The following ADCY2 variants were observed in gnomAD, a reference collection of about 807,000 sequenced individuals.
ADCY2 encodes the protein adenylate cyclase type 2.
ADCY2 carries 31 observed loss-of-function variants against 125.2 expected under a neutral mutation model. That is an observed-to-expected ratio of 0.25 (90% CI 0.19 to 0.33). ADCY2 has a LOEUF of 0.33. Ranked by LOEUF, ADCY2 falls within the 10% of genes least tolerant of loss-of-function variation. The pLI is 1.00. For synonymous variants in ADCY2, 512 were observed against 548.4 expected (o/e 0.93, Z 0.93); for missense variants, 904 against 1,418.2 (o/e 0.64, Z 5.82).
At chr5:7,410,178 A>G (rs1452473773) in intron 1 of ADCY2, among the ~76,000 whole-genome samples, 1 of 152,214 alleles carries the variant, frequency 6.6e-6, no homozygotes, top group Non-Finnish European at 1.5e-5. Context: ...CCACTGAAAA[A>G]TCACAGCAGG....
chr5:7,421,612 C>T (rs1740205683), intron 2 of ADCY2, among the ~76,000 whole-genome samples: 1 of 152,220 alleles, frequency 6.6e-6, no homozygotes, highest in East Asian at 1.9e-4. Context: ...GCTATCTTTT[C>T]AGGGGACACA....
At chr5:7,503,162 G>A (rs12153320) in intron 2 of ADCY2, among the ~76,000 whole-genome samples, 12,909 of 152,216 alleles carry the variant, frequency 0.085, 755 homozygotes, top group Non-Finnish European at 0.13. Context: ...ATGAAATGAC[G>A]TCTGATCTCA....
chr5:7,562,470 C>T (rs1284833394), intron 3 of ADCY2, among the ~76,000 whole-genome samples: 1 of 152,086 alleles, frequency 6.6e-6, no homozygotes, highest in Middle Eastern at 3.2e-3. Context: ...CATGACAACT[C>T]ATTGTTTAGG....
intron 7 of ADCY2, among the ~76,000 whole-genome samples, chr5:7,700,257 T>C (rs1347104588): frequency 6.6e-6 from 1 of 152,220 alleles, no homozygotes; most frequent in African/African-American, 2.4e-5. Context: ...GATTTGCTTA[T>C]ATAGGATAGT....
intron 1 of ADCY2, among the ~76,000 whole-genome samples, chr5:7,400,273 T>C (rs755823961): frequency 6.6e-6 from 1 of 152,218 alleles, no homozygotes; most frequent in Non-Finnish European, 1.5e-5. Context: ...AATAAGAGTA[T>C]GCACTTTTAT....
intron 11 of ADCY2, among the ~76,000 whole-genome samples, chr5:7,715,457 A>G (rs1741566066): frequency 6.6e-6 from 1 of 152,160 alleles, no homozygotes; most frequent in Non-Finnish European, 1.5e-5. Context: ...TAGATGTGGG[A>G]CTGATAAACG....
intron 4 of ADCY2, among the ~76,000 whole-genome samples, chr5:7,633,996 T>C (rs1738408406): frequency 1.3e-5 from 2 of 152,246 alleles, no homozygotes; most frequent in Admixed American, 1.3e-4. Flanking sequence ...TGAGCCCTTT[T>C]GTTTCATTAA....
chr5:7,711,715 A>G (rs1039533912), intron 10 of ADCY2, among the ~76,000 whole-genome samples: 2 of 152,148 alleles, frequency 1.3e-5, no homozygotes, highest in African/African-American at 4.8e-5. Flanking sequence ...GAGTGCCTCA[A>G]CTTCAGAAAT....
intron 4 of ADCY2, among the ~76,000 whole-genome samples, chr5:7,675,973 A>G (rs1740114530): frequency 6.6e-6 from 1 of 152,244 alleles, no homozygotes; most frequent in Non-Finnish European, 1.5e-5. Flanking sequence ...ACATTTGTGA[A>G]TTCAAGTATT....
In ADCY2 at chr5:7,449,740, A is replaced by G. The variant is rs542997383; in HGVS notation, c.408+34970A>G. ...ACTTCTCAGATACTGAATTTTTTAC[A>G]AATTGAATGTTTTTGGCAACCCTGT... On this transcript the variant is annotated intron_variant, in intron 2 of 24. Coordinates refer to ENST00000338316, the MANE Select transcript of ADCY2 (RefSeq NM_020546.3). Among the ~76,000 whole-genome samples, 86 of 152,300 alleles carry G rather than the reference A, an allele frequency of 5.6e-4. 1 individual carries two copies. The highest frequency in any genetic ancestry group is 2.0e-3 in the African/African-American group (83 of 41,566).
intron 4 of ADCY2, among the ~76,000 whole-genome samples, chr5:7,688,275 T>TTG (rs1198773821): frequency 7.2e-4 from 11 of 15,362 alleles, no homozygotes; most frequent in East Asian, 0.25. Context: ...TTTTTTGTTG[T>TTG]TTTTTTTTTT....
In ADCY2 at chr5:7,829,566, C is replaced by T. The variant is rs1162010942; in HGVS notation, c.*2695C>T. On this transcript the variant is annotated 3_prime_UTR_variant, in exon 25 of 25. Coordinates refer to ENST00000338316, the MANE Select transcript of ADCY2 (RefSeq NM_020546.3). ...ATTGGCTTCAAGAAAAAAAAAAAAT[C>T]TCTCCCCAATGCTCTCCTTAACCTT... 6.6e-6 allele frequency: 1 copy of T among 151,548 alleles called. No individual in the cohort carries two copies. Among genetic ancestry groups the T allele is most frequent in the Non-Finnish European group, 1.5e-5 (1 of 67,856 alleles). The allele number at this position is 151,548 out of a possible 1,614,324, so 9.4% of individuals were successfully genotyped here. A position where few individuals can be genotyped will look rare whatever the true frequency, so the allele number is the denominator to read the frequency against.
At position 7,650,503 on chromosome 5, in the gene ADCY2, T is replaced by A. The variant is rs367983770; in HGVS notation, c.720+24187T>A. On this transcript the variant is annotated intron_variant, in intron 4 of 24. Transcript: ENST00000338316. ...TACAGTACGAACTATATAAGTGGAATGTAGATTTGAGTAGCAGAAGTGCAC... is the reference window on the plus strand; with the variant it reads ...TACAGTACGAACTATATAAGTGGAAAGTAGATTTGAGTAGCAGAAGTGCAC... 1.6e-4 allele frequency among the ~76,000 whole-genome samples: 25 copies of A among 152,180 alleles called. No individual in the cohort carries two copies. The East Asian group carries it at 3.1e-3, about 19-fold the overall frequency.
At chr5:7,448,475 T>A (rs983982859) in intron 2 of ADCY2, among the ~76,000 whole-genome samples, 3 of 152,092 alleles carry the variant, frequency 2.0e-5, no homozygotes, top group Non-Finnish European at 4.4e-5. Context: ...ATTCATTATT[T>A]TTTTTTTTCA....
chr5:7,816,421 G>C (rs140764218), intron 22 of ADCY2, among the ~76,000 whole-genome samples: 1 of 152,166 alleles, frequency 6.6e-6, no homozygotes, highest in Non-Finnish European at 1.5e-5. Context: ...CTGGGCAATC[G>C]CCACTGGCAG....
chr5:7,784,829 G>A (rs1744035413), intron 19 of ADCY2, among the ~76,000 whole-genome samples: 1 of 151,098 alleles, frequency 6.6e-6, no homozygotes. Flanking sequence ...TTCAGAATAT[G>A]TAGCACACTT....
intron 2 of ADCY2, among the ~76,000 whole-genome samples, chr5:7,426,279 T>C (rs1001393974): frequency 1.3e-5 from 2 of 152,240 alleles, no homozygotes; most frequent in Non-Finnish European, 2.9e-5. Flanking sequence ...TTGGCCTTTG[T>C]CTTAGTCCAT....
intron 3 of ADCY2, among the ~76,000 whole-genome samples, chr5:7,528,487 C>G (rs1002802185): frequency 6.6e-6 from 1 of 152,108 alleles, no homozygotes; most frequent in East Asian, 1.9e-4. Flanking sequence ...ATTGGGAGAA[C>G]AGAGGTACAG....
chr5:7,739,040 C>A lies in ADCY2; in HGVS notation c.1872-4628C>A, dbSNP rs530411145. Among the ~76,000 whole-genome samples, 7 of 151,858 alleles carry A rather than the reference C, an allele frequency of 4.6e-5. No individual in the cohort carries two copies. In the East Asian group the frequency reaches 1.2e-3, roughly 25 times the overall value. The stretch of plus-strand genomic sequence containing the variant: ...AGGAATATATAGGAGGTCTGAGCAA[C>A]AATATCAACTTCCTAAAACTAATTA... On this transcript the variant is annotated intron_variant, in intron 14 of 24. Transcript: ENST00000338316.
Sources: gnomAD v4.1 joint callset for allele counts (sites outside exome capture counted in the v4.1 genomes callset) on GRCh38, gnomAD v4.1.1 for gene constraint, MANE v1.5 for transcripts, NCBI Gene and HGNC (gene_info 2026-07-23, HGNC 2026-07-21) for gene names.